The following LRRC4C variants were observed in gnomAD, a reference collection of about 807,000 sequenced individuals.
LRRC4C encodes leucine-rich repeat-containing protein 4C.
Under a neutral mutation model 33.6 loss-of-function variants are expected in LRRC4C, and 5 were observed. The ratio of observed to expected loss-of-function variants is 0.15; its 90% CI spans 0.08 to 0.31. The LOEUF (loss-of-function observed/expected upper bound fraction) is 0.31, where lower values mean the gene tolerates loss of function less well. Among genes scored for constraint, LRRC4C ranks in the 10% least tolerant of loss-of-function variants. The pLI is 1.00. For missense variants in LRRC4C, 560 were observed against 796.7 expected (o/e 0.70, Z 3.58); for synonymous variants, 329 against 302.0 (o/e 1.09, Z -0.93).
At chr11:40,792,580 G>A (rs61110371) in intron 2 of LRRC4C, among the ~76,000 whole-genome samples, 44,750 of 151,784 alleles carry the variant, frequency 0.29, 9,532 homozygotes, top group African/African-American at 0.61. Context: ...TCAGTGTGGC[G>A]ATTCCTCAGG....
chr11:41,277,255 C>T (rs776251341), intron 1 of LRRC4C, among the ~76,000 whole-genome samples: 7 of 152,098 alleles, frequency 4.6e-5, no homozygotes, highest in African/African-American at 9.7e-5. Context: ...GTAAAAAACC[C>T]ATTGCTTTAT....
At chr11:41,397,496 C>T (rs906639757) in intron 1 of LRRC4C, among the ~76,000 whole-genome samples, 2 of 151,570 alleles carry the variant, frequency 1.3e-5, no homozygotes, top group Non-Finnish European at 2.9e-5. Flanking sequence ...ATACATATAA[C>T]ATGCAAAATA....
At chr11:41,256,537 G>A (rs1034638527) in intron 1 of LRRC4C, among the ~76,000 whole-genome samples, 1 of 151,944 alleles carries the variant, frequency 6.6e-6, no homozygotes, top group Non-Finnish European at 1.5e-5. Context: ...AGTGGTTACA[G>A]CAAACCCAGA....
intron 2 of LRRC4C, among the ~76,000 whole-genome samples, chr11:40,898,264 G>A (rs1264215401): frequency 7.1e-6 from 1 of 141,136 alleles, no homozygotes; most frequent in African/African-American, 2.6e-5. Context: ...TGAGCCAGGA[G>A]AATTGCTTGA....
At chr11:41,036,942 C>T (rs1857113434) in intron 1 of LRRC4C, among the ~76,000 whole-genome samples, 1 of 152,122 alleles carries the variant, frequency 6.6e-6, no homozygotes, top group South Asian at 2.1e-4. Flanking sequence ...ACTGTTTTTA[C>T]AATTTATAGA....
intron 4 of LRRC4C, among the ~76,000 whole-genome samples, chr11:40,294,652 C>A (rs2136614509): frequency 6.6e-6 from 1 of 152,042 alleles, no homozygotes; most frequent in Non-Finnish European, 1.5e-5. Flanking sequence ...CATTGTGAAA[C>A]CCCGTCCCTA....
chr11:40,963,843 G>T (rs1851138778), intron 1 of LRRC4C, among the ~76,000 whole-genome samples: 1 of 151,716 alleles, frequency 6.6e-6, no homozygotes, highest in East Asian at 1.9e-4. Flanking sequence ...TTAGACATAT[G>T]CAGGTTCTTT....
intron 2 of LRRC4C, among the ~76,000 whole-genome samples, chr11:40,907,401 G>A (rs965558794): frequency 1.3e-5 from 2 of 152,054 alleles, no homozygotes. Context: ...AACATAATGG[G>A]GCAATCATTA....
intron 3 of LRRC4C, among the ~76,000 whole-genome samples, chr11:40,421,256 A>T (rs1034842401): frequency 2.0e-5 from 3 of 152,222 alleles, no homozygotes; most frequent in African/African-American, 7.2e-5. Flanking sequence ...TTATTCTAGA[A>T]ATAGCTTTCT....
At chr11:40,151,173 C>T (rs1858173939) in intron 5 of LRRC4C, among the ~76,000 whole-genome samples, 1 of 152,202 alleles carries the variant, frequency 6.6e-6, no homozygotes, top group Non-Finnish European at 1.5e-5. Context: ...AGAGTTTGCC[C>T]TGTCCAGTGA....
intron 2 of LRRC4C, among the ~76,000 whole-genome samples, chr11:40,880,863 G>A (rs114993984): frequency 0.025 from 3,596 of 145,586 alleles, 162 homozygotes; most frequent in African/African-American, 0.085. Flanking sequence ...ATGTGTGTGT[G>A]TATATATATA....
In LRRC4C at chr11:40,904,745, A is replaced by ATC. The variant is rs141127153; in HGVS notation, c.-407+28888_-407+28889dup. Reference sequence around the variant, plus strand: ...TCCCCTCCCTGTTTAGGTTTATGTTATCTCTCTCTCTCTCGGTCTAGATCC... The same window carrying ATC: ...TCCCCTCCCTGTTTAGGTTTATGTTATCTCTCTCTCTCTCTCGGTCTAGATCC... On this transcript the variant is annotated intron_variant, in intron 2 of 6. Transcript: ENST00000528697. 2.6e-3 allele frequency among the ~76,000 whole-genome samples: 396 copies of ATC among 151,204 alleles called. 2 individuals carry two copies. Among genetic ancestry groups the ATC allele is most frequent in the African/African-American group, 9.0e-3 (371 of 41,284 alleles).
intron 3 of LRRC4C, among the ~76,000 whole-genome samples, chr11:40,465,435 G>A (rs776179335): frequency 6.6e-6 from 1 of 151,792 alleles, no homozygotes; most frequent in Non-Finnish European, 1.5e-5. Flanking sequence ...AAAAGCAAAT[G>A]CAACAAAACC....
intron 2 of LRRC4C, among the ~76,000 whole-genome samples, chr11:40,699,364 C>A (rs1447541702): frequency 6.6e-6 from 1 of 152,148 alleles, no homozygotes; most frequent in Non-Finnish European, 1.5e-5. Context: ...AAAATCCCTT[C>A]ATTAATAGGT....
chr11:40,532,803 C>T (rs1256398926), intron 3 of LRRC4C, among the ~76,000 whole-genome samples: 1 of 151,988 alleles, frequency 6.6e-6, no homozygotes, highest in Non-Finnish European at 1.5e-5. Flanking sequence ...AAAGAAATAC[C>T]TGAGACTGGG....
At chr11:40,373,712 G>T (rs1430131544) in intron 3 of LRRC4C, among the ~76,000 whole-genome samples, 3 of 152,020 alleles carry the variant, frequency 2.0e-5, no homozygotes, top group Non-Finnish European at 4.4e-5. Context: ...GTGAGTTCTC[G>T]CTCAGTTAGG....
At chr11:40,451,804 G>A (rs1182225997) in intron 3 of LRRC4C, among the ~76,000 whole-genome samples, 4 of 152,078 alleles carry the variant, frequency 2.6e-5, no homozygotes, top group East Asian at 3.9e-4. Flanking sequence ...TAAATGGAGG[G>A]GAGTAGAGTC....
chr11:41,060,996 C>G (rs1298852502), intron 1 of LRRC4C, among the ~76,000 whole-genome samples: 1 of 152,078 alleles, frequency 6.6e-6, no homozygotes, highest in Non-Finnish European at 1.5e-5. Context: ...CCCCTCCCCC[C>G]TCCACACAGG....
At chr11:40,498,780 T>G (rs566377556) in intron 3 of LRRC4C, among the ~76,000 whole-genome samples, 13 of 152,296 alleles carry the variant, frequency 8.5e-5, no homozygotes, top group African/African-American at 3.1e-4. Flanking sequence ...TGGTGTCACT[T>G]ATAAGACATT....
Sources: gnomAD v4.1 joint callset for allele counts (sites outside exome capture counted in the v4.1 genomes callset) on GRCh38, gnomAD v4.1.1 for gene constraint, MANE v1.5 for transcripts, NCBI Gene and HGNC (gene_info 2026-07-23, HGNC 2026-07-21) for gene names.